NRXN1: variants seen among roughly 807,000 people sequenced by gnomAD.
NRXN1 encodes the protein neurexin 1.
NRXN1 carries 39 observed loss-of-function variants against 150.9 expected under a neutral mutation model. The ratio of observed to expected loss-of-function variants is 0.26; its 90% CI spans 0.20 to 0.34. The LOEUF (loss-of-function observed/expected upper bound fraction) is 0.34, where lower values mean the gene tolerates loss of function less well. NRXN1 is among the 10% of genes least tolerant of loss of function. NRXN1 has a pLI of 1.00. For synonymous variants in NRXN1, 924 were observed against 757.0 expected (o/e 1.22, Z -3.62); for missense variants, 1,815 against 1,949.9 (o/e 0.93, Z 1.30).
Position 49,929,827 on chromosome 2 carries a change from G to A in NRXN1, c.4217-7576C>T, listed in dbSNP as rs537112304. ...AGGTCCTGAGGGTATAGGAGATAAC[G>A]AAACAAACTTGATGTATATGTCCTC... is the stretch of plus-strand genomic sequence containing the variant. On this transcript the variant is annotated intron_variant, in intron 22 of 22. Transcript: ENST00000401669. Among the ~76,000 whole-genome samples the A allele has an allele frequency of 5.9e-5, 9 of 152,190 alleles. No individual in the cohort carries two copies. In the South Asian group the frequency reaches 1.0e-3, roughly 18 times the overall value.
At chr2:50,740,670 T>C (rs1699319467) in intron 5 of NRXN1, among the ~76,000 whole-genome samples, 1 of 152,146 alleles carries the variant, frequency 6.6e-6, no homozygotes, top group Non-Finnish European at 1.5e-5. Context: ...TTTAAATGAG[T>C]TTTTTTCCAG....
chr2:49,946,321 T>G (rs1036341609), intron 21 of NRXN1, among the ~76,000 whole-genome samples: 1 of 152,176 alleles, frequency 6.6e-6, no homozygotes, highest in Admixed American at 6.5e-5. Flanking sequence ...AAAAATTTCC[T>G]CCCATTCTGT....
intron 18 of NRXN1, among the ~76,000 whole-genome samples, chr2:50,199,924 A>G (rs936407565): frequency 6.6e-6 from 1 of 152,164 alleles, no homozygotes; most frequent in Admixed American, 6.6e-5. Flanking sequence ...CTACAATTTT[A>G]TTACTATTTC....
chr2:49,971,832 A>G (rs879332531), intron 21 of NRXN1, among the ~76,000 whole-genome samples: 9 of 152,140 alleles, frequency 5.9e-5, no homozygotes, highest in Non-Finnish European at 1.2e-4. Flanking sequence ...TCCTGAATTT[A>G]CCTTAAGGTA....
chr2:50,082,904 C>T (rs376631439), intron 19 of NRXN1, among the ~76,000 whole-genome samples: 2 of 152,120 alleles, frequency 1.3e-5, no homozygotes, highest in African/African-American at 2.4e-5. Context: ...ATACCCAACA[C>T]GTATCTGAAG....
At chr2:50,709,160 T>G (rs1694816207) in intron 5 of NRXN1, among the ~76,000 whole-genome samples, 1 of 152,246 alleles carries the variant, frequency 6.6e-6, no homozygotes, top group South Asian at 2.1e-4. Flanking sequence ...ATGAGCTTAC[T>G]TGTTGAGGAA....
intron 5 of NRXN1, among the ~76,000 whole-genome samples, chr2:50,879,509 G>A (rs1449061359): frequency 1.3e-5 from 2 of 151,792 alleles, no homozygotes; most frequent in East Asian, 1.9e-4. Context: ...TGCTTTAAAT[G>A]TATGTGTTAA....
intron 17 of NRXN1, among the ~76,000 whole-genome samples, chr2:50,326,599 C>G (rs982231274): frequency 5.3e-5 from 8 of 152,070 alleles, no homozygotes; most frequent in African/African-American, 1.9e-4. Context: ...CACCTGCAAC[C>G]TTATCTTCAG....
intron 21 of NRXN1, among the ~76,000 whole-genome samples, chr2:49,980,032 A>G (rs1679723596): frequency 6.6e-6 from 1 of 151,888 alleles, no homozygotes; most frequent in Non-Finnish European, 1.5e-5. Flanking sequence ...CAATCTTTTC[A>G]TTAACATTAT....
intron 18 of NRXN1, among the ~76,000 whole-genome samples, chr2:50,148,988 T>C (rs1299858309): frequency 6.6e-6 from 1 of 151,692 alleles, no homozygotes; most frequent in Non-Finnish European, 1.5e-5. Context: ...TGAAAGTCTA[T>C]TTGCCAGGTT....
chr2:50,942,144 A>T (rs1689550351), intron 2 of NRXN1, among the ~76,000 whole-genome samples: 1 of 152,218 alleles, frequency 6.6e-6, no homozygotes, highest in Non-Finnish European at 1.5e-5. Context: ...GGCAGCTTCC[A>T]CATGGTGTTG....
At chr2:50,331,970 CAACCTA>C (rs1170018617) in intron 17 of NRXN1, among the ~76,000 whole-genome samples, 2 of 152,164 alleles carry the variant, frequency 1.3e-5, no homozygotes, top group Admixed American at 1.3e-4. Flanking sequence ...TTTAAAGGTA[CAACCTA>C]GGCATGTGCA....
Position 50,326,480 on chromosome 2 carries a change from C to A in NRXN1, c.3365-89510G>T, listed in dbSNP as rs558752945. On this transcript the variant is annotated intron_variant, in intron 17 of 22. Coordinates refer to ENST00000401669, the MANE Select transcript of NRXN1 (RefSeq NM_001330078.2). Reference sequence around the variant, plus strand: ...AACACTTAGCTATTAAATAAAATTGCGGGCTGGCAGCTGTAGGCTCAGGCA... The same window carrying A: ...AACACTTAGCTATTAAATAAAATTGAGGGCTGGCAGCTGTAGGCTCAGGCA... Among the ~76,000 whole-genome samples, 43 of 152,100 alleles carry A rather than the reference C, an allele frequency of 2.8e-4. 1 individual carries two copies. In the South Asian group the frequency reaches 8.1e-3, roughly 29 times the overall value.
At chr2:50,156,619 A>G (rs2059036535) in intron 18 of NRXN1, among the ~76,000 whole-genome samples, 1 of 152,012 alleles carries the variant, frequency 6.6e-6, no homozygotes, top group Admixed American at 6.6e-5. Flanking sequence ...ACCAAATAAT[A>G]GCACAATTCA....
chr2:50,633,918 T>A (rs1346090282), intron 5 of NRXN1, among the ~76,000 whole-genome samples: 1 of 152,020 alleles, frequency 6.6e-6, no homozygotes, highest in Non-Finnish European at 1.5e-5. Context: ...TTGTTTTAGA[T>A]GATTGGGGAA....
At chr2:49,960,995 C>A (rs1036817458) in intron 21 of NRXN1, among the ~76,000 whole-genome samples, 1 of 151,842 alleles carries the variant, frequency 6.6e-6, no homozygotes, top group Non-Finnish European at 1.5e-5. Flanking sequence ...GGCTTTTTTT[C>A]ATGTAAAATG....
chr2:50,720,382 C>T (rs563020685), intron 5 of NRXN1, among the ~76,000 whole-genome samples: 66 of 152,250 alleles, frequency 4.3e-4, no homozygotes, highest in Non-Finnish European at 8.5e-4. Context: ...CGCGCTGCAT[C>T]TTCCAGTTAA....
At chr2:50,682,029 ATG>A (rs1690487612) in intron 5 of NRXN1, among the ~76,000 whole-genome samples, 2 of 152,160 alleles carry the variant, frequency 1.3e-5, no homozygotes, top group African/African-American at 4.8e-5. Flanking sequence ...GAAAACATAA[ATG>A]TGCCTGGCAC....
chr2:50,364,215 C>T (rs1401559886), intron 17 of NRXN1, among the ~76,000 whole-genome samples: 15 of 152,044 alleles, frequency 9.9e-5, no homozygotes, highest in Admixed American at 5.3e-4. Flanking sequence ...GTTCTGCACA[C>T]GTATCCCAGA....
Sources: allele counts gnomAD v4.1 joint callset (sites outside exome capture counted in the v4.1 genomes callset), GRCh38; gene constraint gnomAD v4.1.1; transcripts MANE v1.5; gene names NCBI Gene and HGNC (gene_info 2026-07-23, HGNC 2026-07-21).